PSORS1C1: variants seen among roughly 807,000 people sequenced by gnomAD.
PSORS1C1 encodes psoriasis susceptibility 1 candidate 1.
A neutral mutation model predicts 9.4 loss-of-function variants in PSORS1C1; 7 were observed. The ratio of observed to expected loss-of-function variants is 0.75; its 90% CI spans 0.42 to 1.40. PSORS1C1 has a LOEUF of 1.40. PSORS1C1 is among the 40% of genes most tolerant of loss of function. The probability of loss-of-function intolerance (pLI) is 0.01; values close to 1 mark genes in which losing one functional copy is unlikely to be tolerated. For synonymous variants in PSORS1C1, 63 were observed against 69.4 expected (o/e 0.91, Z 0.46); for missense variants, 146 against 178.1 (o/e 0.82, Z 1.02).
intron 1 of PSORS1C1, among the ~76,000 whole-genome samples, chr6:31,123,391 C>A (rs2150964287): frequency 6.6e-6 from 1 of 152,342 alleles, no homozygotes; most frequent in Middle Eastern, 3.4e-3. Context: ...TGGTGGAGAC[C>A]TAAAGCTAAT....
intron 1 of PSORS1C1, among the ~76,000 whole-genome samples, chr6:31,122,621 C>CA (rs3834327): frequency 3.3e-5 from 5 of 151,690 alleles, no homozygotes; most frequent in South Asian, 2.1e-4. Flanking sequence ...ACCAAAAATA[C>CA]AAAAAAAATT....
At chr6:31,130,974 C>T (rs988684858) in intron 3 of PSORS1C1, among the ~76,000 whole-genome samples, 3 of 152,004 alleles carry the variant, frequency 2.0e-5, no homozygotes, top group East Asian at 1.9e-4. Flanking sequence ...ATTACAGGTG[C>T]GCCCTACCAT....
Position 31,128,007 on chromosome 6 carries a change from A to G in PSORS1C1, c.-64-1562A>G, listed in dbSNP as rs1001774408. Among the ~76,000 whole-genome samples the G allele has an allele frequency of 1.3e-5, 2 of 152,182 alleles. No individual in the cohort carries two copies. Among genetic ancestry groups the G allele is most frequent in the Non-Finnish European group, 2.9e-5 (2 of 68,026 alleles). On this transcript the variant is annotated intron_variant, in intron 2 of 5. Coordinates refer to ENST00000259881, the MANE Select transcript of PSORS1C1 (RefSeq NM_014068.3). The surrounding 1 kb of genome is among the most constrained non-coding windows in gnomAD (Gnocchi z 4.3). ...CCTGATCCCTTTGACTGGCTGTGGT[A>G]TCCTCTCCTGTAGACCGCTGGCTCA...
At chr6:31,134,513 G>A (rs1355526741) in intron 3 of PSORS1C1, among the ~76,000 whole-genome samples, 1 of 152,050 alleles carries the variant, frequency 6.6e-6, no homozygotes, top group East Asian at 1.9e-4. Context: ...CACCATGTTA[G>A]CCAGGATGGT....
chr6:31,115,734 A>G lies in PSORS1C1; in HGVS notation c.-229+843A>G. On this transcript the variant is annotated intron_variant, in intron 1 of 5. Transcript: ENST00000259881. This position sits in a 1 kb window ranked among gnomAD's most constrained non-coding sequence, Gnocchi z 4.2. ...TGGACCATTTCCACACAGTAGAGGG[A>G]ATTGTAAGGGGTGGTGATCTGGCTG... 1 of 494,386 alleles carries G rather than the reference A, an allele frequency of 2.0e-6. No individual in the cohort carries two copies. The highest frequency in any genetic ancestry group is 3.6e-6 in the Non-Finnish European group (1 of 278,370). The allele number at this position is 494,386 out of a possible 1,614,324, so 30.6% of individuals were successfully genotyped here.
intron 3 of PSORS1C1, among the ~76,000 whole-genome samples, chr6:31,130,615 G>A (rs948483447): frequency 2.6e-5 from 4 of 151,680 alleles, no homozygotes; most frequent in East Asian, 1.9e-4. Context: ...GGGTTTCACC[G>A]TGGTCTCGAT....
intron 3 of PSORS1C1, among the ~76,000 whole-genome samples, chr6:31,135,805 G>T (rs1270313778): frequency 6.6e-6 from 1 of 152,190 alleles, no homozygotes; most frequent in African/African-American, 2.4e-5. Context: ...GGGAGGCCAA[G>T]ATGGGCCGAT....
intron 1 of PSORS1C1, chr6:31,116,868 A>G: frequency 6.2e-7 from 1 of 1,613,268 alleles, no homozygotes; most frequent in Non-Finnish European, 8.5e-7. Context: ...CAGGCCTCTG[A>G]CCCCCTGACA....
At chr6:31,136,024 G>A (rs895144491) in intron 3 of PSORS1C1, among the ~76,000 whole-genome samples, 6 of 152,160 alleles carry the variant, frequency 3.9e-5, no homozygotes, top group Non-Finnish European at 5.9e-5. Context: ...CTGCACTCCA[G>A]CCTGGATGAC....
intron 3 of PSORS1C1, among the ~76,000 whole-genome samples, chr6:31,134,738 G>A (rs1433224254): frequency 1.3e-5 from 2 of 152,214 alleles, no homozygotes; most frequent in Non-Finnish European, 2.9e-5. Flanking sequence ...TTGATTGACA[G>A]TAGACCATTG....
intron 1 of PSORS1C1, chr6:31,120,564 G>T: frequency 1.4e-6 from 1 of 719,436 alleles, no homozygotes; most frequent in Non-Finnish European, 2.5e-6. Context: ...AGTTGGTGTG[G>T]CCGGGAGGAG....
At chr6:31,119,613 T>C (rs1294640899) in intron 1 of PSORS1C1, among the ~76,000 whole-genome samples, 1 of 152,146 alleles carries the variant, frequency 6.6e-6, no homozygotes, top group African/African-American at 2.4e-5. Context: ...AAAGTGCTAA[T>C]ATAGGCCGGG....
rs752178148 is a variant in PSORS1C1, at chr6:31,139,886, C to T, written c.413C>T (p.Ser138Leu). Residue 138 changes from serine to leucine, a missense_variant, in exon 6 of 6, where the codon TCG (serine) becomes TTG (leucine). By Grantham distance (145) the Ser-to-Leu change is moderately radical (BLOSUM62 -2). Transcript: ENST00000259881. The surrounding 1 kb of genome is among the most constrained non-coding windows in gnomAD (Gnocchi z 5.2). ...ACCTTGGCTCCAACTCTATTGTACT[C>T]GTCTCCTCCCTCCCATTCTCCTTTT... ...SRTLAPTLLY[S>L]SPPSHSPFGL... 8.7e-6 allele frequency: 14 copies of T among 1,612,948 alleles called. No individual in the cohort carries two copies. The highest frequency in any genetic ancestry group is 5.0e-5 in the Admixed American group (3 of 59,990).
At chr6:31,138,972 C>G (rs1773311892) in intron 5 of PSORS1C1, 193 bp downstream of exon 5, 1 of 1,614,048 alleles carries the variant, frequency 6.2e-7, no homozygotes, top group South Asian at 1.1e-5. Flanking sequence ...CCCACCTCAC[C>G]TCTGGTGTGC....
intron 1 of PSORS1C1, among the ~76,000 whole-genome samples, chr6:31,121,180 G>T (rs935255292): frequency 6.6e-6 from 1 of 151,520 alleles, no homozygotes; most frequent in African/African-American, 2.4e-5. Flanking sequence ...GGGTGGGGGG[G>T]TGCTGGGAGC....
At position 31,140,050 on chromosome 6, in the gene PSORS1C1, G is replaced by C; in HGVS notation, c.*118G>C. The C allele has an allele frequency of 1.1e-6, 1 of 920,232 alleles. No individual in the cohort carries two copies. Among genetic ancestry groups the C allele is most frequent in the African/African-American group, 1.6e-5 (1 of 60,670 alleles). 57.0% of individuals were successfully genotyped at this position (920,232 alleles called of 1,614,324 possible). A position where few individuals can be genotyped will look rare whatever the true frequency, so the allele number is the denominator to read the frequency against. ...TTTGATTCCTCCCAGGTTGTTCCCT[G>C]CCTGGTCCGCTACCCCACAGTAAGG... On this transcript the variant is annotated 3_prime_UTR_variant, in exon 6 of 6. Transcript: ENST00000259881. This position sits in a 1 kb window ranked among gnomAD's most constrained non-coding sequence, Gnocchi z 4.6.
chr6:31,116,019 G>A, intron 1 of PSORS1C1: 2 of 1,555,924 alleles, frequency 1.3e-6, no homozygotes, highest in Non-Finnish European at 1.7e-6. Context: ...CACAACAGTT[G>A]ACTTCTTATG....
In PSORS1C1 at chr6:31,132,420, G is replaced by A. The variant is rs187869967; in HGVS notation, c.13+2775G>A. Among the ~76,000 whole-genome samples, 5 of 126,804 alleles carry A rather than the reference G, an allele frequency of 3.9e-5. No homozygotes were observed. The East Asian group carries it at 1.0e-3, about 26-fold the overall frequency. 83.2% of individuals were successfully genotyped at this position (126,804 alleles called of 152,430 possible). A position where few individuals can be genotyped will look rare whatever the true frequency, so the allele number is the denominator to read the frequency against. ...GCCTGTAATCCCAGCTACTCAGGAAGCAGAGGCAGGAGAATCGCTTGAACT... is the reference window on the plus strand; with the variant it reads ...GCCTGTAATCCCAGCTACTCAGGAAACAGAGGCAGGAGAATCGCTTGAACT... On this transcript the variant is annotated intron_variant, in intron 3 of 5. Coordinates refer to ENST00000259881, the MANE Select transcript of PSORS1C1 (RefSeq NM_014068.3).
At position 31,129,362 on chromosome 6, in the gene PSORS1C1, C is replaced by T. The variant is rs117644051; in HGVS notation, c.-64-207C>T. 8.1e-4 allele frequency among the ~76,000 whole-genome samples: 123 copies of T among 152,296 alleles called. 2 individuals are homozygous for T. In the East Asian group the frequency reaches 0.013, roughly 16 times the overall value. ...GCCAAGGCAGGTAGAGAGGAACCAGCATTGTCTAATCTGAATGGATAAGCC... is the reference window on the plus strand; with the variant it reads ...GCCAAGGCAGGTAGAGAGGAACCAGTATTGTCTAATCTGAATGGATAAGCC... On this transcript the variant is annotated intron_variant, in intron 2 of 5. Coordinates refer to ENST00000259881, the MANE Select transcript of PSORS1C1 (RefSeq NM_014068.3).
Sources: gnomAD v4.1 joint callset for allele counts (sites outside exome capture counted in the v4.1 genomes callset) on GRCh38, gnomAD v4.1.1 for gene constraint, Gnocchi (gnomAD v3.1) non-coding constraint, MANE v1.5 for transcripts, NCBI Gene and HGNC (gene_info 2026-07-23, HGNC 2026-07-21) for gene names.